The following CSMD2 variants were observed in gnomAD, a reference collection of about 807,000 sequenced individuals.
The protein encoded by CSMD2 is CUB and sushi domain-containing protein 2.
A neutral mutation model predicts 398.5 loss-of-function variants in CSMD2; 130 were observed. The observed-to-expected ratio is 0.33, with a 90% confidence interval of 0.28 to 0.38. The LOEUF (loss-of-function observed/expected upper bound fraction) is 0.38. CSMD2 is among the 10% of genes least tolerant of loss of function. CSMD2 has a pLI of 1.00. For synonymous variants in CSMD2, 1,828 were observed against 1,908.5 expected, an observed-to-expected ratio of 0.96 and a Z score of 1.10; for missense variants, 3,829 against 4,764.9, an observed-to-expected ratio of 0.80 and a Z score of 5.78.
At chr1:33,663,591 T>TG (rs1241243253) in intron 25 of CSMD2, among the ~76,000 whole-genome samples, 1 of 152,148 alleles carries the variant, frequency 6.6e-6, no homozygotes. Context: ...CCTCATACCT[T>TG]GCTTTCCCAG....
chr1:33,960,139 C>T (rs746044182), intron 3 of CSMD2, among the ~76,000 whole-genome samples: 2 of 152,192 alleles, frequency 1.3e-5, no homozygotes, highest in Non-Finnish European at 2.9e-5. Context: ...GCCTCCAGGG[C>T]TGTGCTGACT....
In CSMD2 at chr1:33,537,514, G is replaced by T. The variant is rs1263364218; in HGVS notation, c.9727C>A (p.Pro3243Thr). 3 of 1,614,046 alleles carry T rather than the reference G, an allele frequency of 1.9e-6. No individual in the cohort carries two copies. The East Asian group carries it at 6.7e-5, about 36-fold the overall frequency. Residue 3243 changes from proline (P) to threonine (T), a missense_variant, in exon 61 of 71, where the codon CCT becomes ACT. Coordinates refer to ENST00000373381, the MANE Select transcript of CSMD2 (RefSeq NM_001281956.2). This position sits in a 1 kb window ranked among gnomAD's most constrained non-coding sequence, Gnocchi z 4.6. Reference sequence around the variant, plus strand: ...CGTGGAGAGCCCACCAGCACCAGAGGGGGATGGCAGGAGAAGGAGACAGAT... The same window carrying T: ...CGTGGAGAGCCCACCAGCACCAGAGTGGGATGGCAGGAGAAGGAGACAGAT... ...RSSVSFSCHP[P>T]LVLVGSPRRF...
chr1:33,701,335 C>T (rs1645606915), intron 22 of CSMD2, among the ~76,000 whole-genome samples: 1 of 152,262 alleles, frequency 6.6e-6, no homozygotes, highest in African/African-American at 2.4e-5. Flanking sequence ...GCTTCCCTCA[C>T]TCCCATCTGT....
At chr1:33,618,229 C>T (rs1008150944) in intron 37 of CSMD2, among the ~76,000 whole-genome samples, 1 of 152,136 alleles carries the variant, frequency 6.6e-6, no homozygotes, top group East Asian at 1.9e-4. Flanking sequence ...GCACTGGTGG[C>T]CTCTCACACT....
At chr1:33,791,378 G>A (rs1410376970) in intron 11 of CSMD2, among the ~76,000 whole-genome samples, 1 of 152,228 alleles carries the variant, frequency 6.6e-6, no homozygotes. Context: ...AGCATGGTAG[G>A]TGTTTAATGT....
intron 4 of CSMD2, among the ~76,000 whole-genome samples, chr1:33,921,669 G>A (rs527682812): frequency 6.6e-6 from 1 of 152,350 alleles, no homozygotes; most frequent in Admixed American, 6.5e-5. Context: ...GGCCCTCAGA[G>A]GCAAGAAGGC....
chr1:33,677,377 C>T (rs1482190646), intron 25 of CSMD2, among the ~76,000 whole-genome samples: 1 of 152,144 alleles, frequency 6.6e-6, no homozygotes, highest in Admixed American at 6.6e-5. Flanking sequence ...TCATCACTGG[C>T]CATCAGAGAA....
chr1:33,656,373 C>T (rs1213594244), intron 27 of CSMD2, among the ~76,000 whole-genome samples: 1 of 152,186 alleles, frequency 6.6e-6, no homozygotes, highest in Non-Finnish European at 1.5e-5. Flanking sequence ...CCATACTGTT[C>T]CCTACACAGC....
chr1:33,983,995 A>C (rs773487643), intron 3 of CSMD2, among the ~76,000 whole-genome samples: 1 of 152,164 alleles, frequency 6.6e-6, no homozygotes, highest in Non-Finnish European at 1.5e-5. Context: ...TCTACTAAAA[A>C]TACAAAAAAT....
rs1333917836 is a variant in CSMD2, at chr1:33,739,133, C to T, written c.2368+7G>A. ...ATGGCCACTGCTCCCAGCCTGCAGG[C>T]TCGTACCTTCACACCGCAGCACAGC... On this transcript the variant is annotated splice_region_variant and intron_variant, in intron 15 of 70. Transcript: ENST00000373381. 1 of 1,609,490 alleles carries T rather than the reference C, an allele frequency of 6.2e-7. No homozygotes were observed. Among genetic ancestry groups the T allele is most frequent in the Non-Finnish European group, 8.5e-7 (1 of 1,178,318 alleles).
At chr1:33,606,076 G>A in intron 41 of CSMD2, 1 of 1,498,312 alleles carries the variant, frequency 6.7e-7, no homozygotes, top group Non-Finnish European at 8.9e-7. Flanking sequence ...AAAGGGCAGG[G>A]AAGCTGTTTC....
At chr1:33,666,218 T>C (rs1644311217) in intron 25 of CSMD2, among the ~76,000 whole-genome samples, 1 of 152,188 alleles carries the variant, frequency 6.6e-6, no homozygotes, top group Admixed American at 6.5e-5. Context: ...TTCCCAAATT[T>C]ACTCTTTTAG....
intron 52 of CSMD2, among the ~76,000 whole-genome samples, chr1:33,569,024 T>C (rs1360468825): frequency 2.0e-5 from 3 of 152,238 alleles, no homozygotes; most frequent in Admixed American, 1.3e-4. Context: ...ATATAAAAGG[T>C]ATTTTAGGTG....
At chr1:33,707,693 G>GCACACACA (rs1385022470) in intron 22 of CSMD2, among the ~76,000 whole-genome samples, 12 of 46,906 alleles carry the variant, frequency 2.6e-4, no homozygotes, top group Non-Finnish European at 5.2e-4. Flanking sequence ...ACGCGCGCGC[G>GCACACACA]CGCACACACA....
At chr1:33,962,359 G>A (rs1327851386) in intron 3 of CSMD2, among the ~76,000 whole-genome samples, 1 of 152,076 alleles carries the variant, frequency 6.6e-6, no homozygotes, top group African/African-American at 2.4e-5. Flanking sequence ...GGTTTAGGGG[G>A]CCACAGAAAG....
intron 3 of CSMD2, among the ~76,000 whole-genome samples, chr1:33,985,242 T>C (rs1646316312): frequency 6.6e-6 from 1 of 152,136 alleles, no homozygotes; most frequent in African/African-American, 2.4e-5. Flanking sequence ...TCCTTCCCCA[T>C]CCACCCCACC....
At chr1:33,592,310 G>A in intron 44 of CSMD2, 1 of 709,330 alleles carries the variant, frequency 1.4e-6, no homozygotes, top group East Asian at 2.7e-5. Flanking sequence ...TATCTTTTCA[G>A]GAGATGGGTC....
intron 7 of CSMD2, 32 bp from the exon 8 acceptor site, chr1:33,820,588 A>AAAAAAAAAAAAAC: frequency 6.5e-6 from 6 of 917,854 alleles, no homozygotes; most frequent in African/African-American, 4.1e-5. Context: ...AAAAAAAAAA[A>AAAAAAAAAAAAAC]CAGCACACAC....
At chr1:34,140,055 A>T (rs1393181748) in intron 1 of CSMD2, among the ~76,000 whole-genome samples, 1 of 152,192 alleles carries the variant, frequency 6.6e-6, no homozygotes, top group African/African-American at 2.4e-5. Flanking sequence ...AGCCAGGCAA[A>T]GTCCCTGACC....
Sources: gnomAD v4.1 joint callset for allele counts (sites outside exome capture counted in the v4.1 genomes callset) on GRCh38, gnomAD v4.1.1 for gene constraint, Gnocchi (gnomAD v3.1) non-coding constraint, MANE v1.5 for transcripts, NCBI Gene and HGNC (gene_info 2026-07-23, HGNC 2026-07-21) for gene names.